The following DMD variants were observed in gnomAD, a reference collection of about 807,000 sequenced individuals.
DMD encodes the protein dystrophin, also known as mutant dystrophin.
A neutral mutation model predicts 330.1 loss-of-function variants in DMD; 63 were observed. That is an observed-to-expected ratio of 0.19 (90% confidence interval 0.16 to 0.24). DMD has a LOEUF of 0.24. Ranked by LOEUF, DMD falls within the 10% of genes least tolerant of loss-of-function variation. DMD has a pLI of 1.00. For synonymous variants in DMD, 1,223 were observed against 959.8 expected, an observed-to-expected ratio of 1.27 and a Z score of -5.07; for missense variants, 3,344 against 2,684.1, an observed-to-expected ratio of 1.25 and a Z score of -5.43.
chrX:32,899,717 A>G (rs1251153179), intron 2 of DMD, among the ~76,000 whole-genome samples: 1 of 111,013 alleles, frequency 9.0e-6, no homozygotes, highest in African/African-American at 3.3e-5. Flanking sequence ...AAAGAAAGAA[A>G]AAGTGTTTGT....
chrX:31,649,786 C>T (rs906417837), intron 54 of DMD, among the ~76,000 whole-genome samples: 2 of 110,862 alleles, frequency 1.8e-5, no homozygotes, highest in Admixed American at 9.7e-5. Context: ...CATTTTCATA[C>T]TGCTAAGTGT....
intron 1 of DMD, among the ~76,000 whole-genome samples, chrX:33,136,992 A>T (rs1188046189): frequency 9.0e-6 from 1 of 110,660 alleles, no homozygotes; most frequent in Non-Finnish European, 1.9e-5. Context: ...TATATATTTT[A>T]TATATTCAAG....
At chrX:31,586,643 C>A (rs1330410316) in intron 55 of DMD, among the ~76,000 whole-genome samples, 1 of 112,270 alleles carries the variant, frequency 8.9e-6, no homozygotes, top group Non-Finnish European at 1.9e-5. Flanking sequence ...GAATCCAAAG[C>A]TACTCTAAAG....
intron 49 of DMD, among the ~76,000 whole-genome samples, chrX:31,835,805 A>G (rs1453704906): frequency 8.9e-6 from 1 of 111,880 alleles, no homozygotes; most frequent in Non-Finnish European, 1.9e-5. Context: ...GGTTCTGTAT[A>G]ATGAGGTTAT....
intron 1 of DMD, among the ~76,000 whole-genome samples, chrX:33,109,579 C>T (rs776792205): frequency 1.1e-3 from 85 of 74,986 alleles, no homozygotes; most frequent in Non-Finnish European, 2.2e-3. Flanking sequence ...TAGTGTAGTG[C>T]TAAAAAAAAA....
chrX:31,823,111 G>A (rs1344932981), intron 49 of DMD, among the ~76,000 whole-genome samples: 1 of 112,906 alleles, frequency 8.9e-6, no homozygotes, highest in Non-Finnish European at 1.9e-5. Context: ...ACTTGCGTCA[G>A]GAATAAAGGC....
rs1330525492 is a variant in DMD, at chrX:32,585,716, A to AAAAAAAAAC, written c.1602+10040_1602+10041insGTTTTTTTT. On this transcript the variant is annotated intron_variant, in intron 13 of 78. Transcript: ENST00000357033. Reference sequence around the variant, plus strand: ...CTCCGTCTCAAAAAAAAAAAAAAAAAAAAAAAAAAAAAAAGAATATTATTG... The same window carrying AAAAAAAAAC: ...CTCCGTCTCAAAAAAAAAAAAAAAAAAAAAAAAACAAAAAAAAAAAAAAGAATATTATTG... Among the ~76,000 whole-genome samples, 33 of 103,172 alleles carry AAAAAAAAAC rather than the reference A, an allele frequency of 3.2e-4. 1 individual carries two copies. The highest frequency in any genetic ancestry group is 1.1e-4 in the Admixed American group (1 of 9,255). The allele number at this position is 103,172 out of a possible 115,157, so 89.6% of individuals were successfully genotyped here.
At chrX:32,667,930 A>G (rs1481789221) in intron 9 of DMD, among the ~76,000 whole-genome samples, 3 of 110,211 alleles carry the variant, frequency 2.7e-5, no homozygotes, top group African/African-American at 9.9e-5. Flanking sequence ...ACCTAAGGTC[A>G]GGAGTTCAAG....
intron 43 of DMD, among the ~76,000 whole-genome samples, chrX:32,218,503 C>T (rs772802099): frequency 4.5e-5 from 5 of 111,753 alleles, no homozygotes; most frequent in Non-Finnish European, 7.5e-5. Context: ...ATGGATCATA[C>T]TTTTGAATAC....
At chrX:32,588,651 T>A (rs915308504) in intron 13 of DMD, among the ~76,000 whole-genome samples, 11 of 111,760 alleles carry the variant, frequency 9.8e-5, no homozygotes, top group Non-Finnish European at 1.9e-4. Flanking sequence ...CTGACTTCAA[T>A]GTGGAGATTG....
intron 44 of DMD, among the ~76,000 whole-genome samples, chrX:31,970,410 T>C (rs1355162191): frequency 1.8e-5 from 2 of 110,367 alleles, no homozygotes; most frequent in African/African-American, 6.6e-5. Flanking sequence ...CAGTACATAA[T>C]CTAGTTGAAA....
At position 31,119,741 on chromosome X, in the gene DMD, T is replaced by A. The variant is rs1303283347; in HGVS notation, c.*2178A>T. ...GTAACCCCTTGTTTTAAATCTGAGT[T>A]TTAAAAATCCTTGGGTAAAGAAAAG... is the stretch of plus-strand genomic sequence containing the variant. On this transcript the variant is annotated 3_prime_UTR_variant, in exon 79 of 79. Transcript: ENST00000357033. 1 of 111,659 alleles carries A rather than the reference T, an allele frequency of 9.0e-6. No homozygotes were observed. Among genetic ancestry groups the A allele is most frequent in the African/African-American group, 3.2e-5 (1 of 30,793 alleles). 9.2% of individuals were successfully genotyped at this position (111,659 alleles called of 1,213,427 possible). A position where few individuals can be genotyped will look rare whatever the true frequency, so the allele number is the denominator to read the frequency against.
At chrX:33,033,552 T>TAAAAAAAAAAAAAAAAAAA (rs2094151115) in intron 1 of DMD, among the ~76,000 whole-genome samples, 1 of 48,788 alleles carries the variant, frequency 2.0e-5, no homozygotes. Flanking sequence ...CTACTAAAAA[T>TAAAAAAAAAAAAAAAAAAA]ACAAAAAAAA....
chrX:31,721,708 CTCTCTCTCTCTA>C (rs1360738989), intron 52 of DMD, among the ~76,000 whole-genome samples: 63 of 49,185 alleles, frequency 1.3e-3, no homozygotes, highest in South Asian at 4.6e-3. Context: ...CTCTCTCTCT[CTCTCTCTCTCTA>C]TATATATATA....
intron 1 of DMD, among the ~76,000 whole-genome samples, chrX:33,069,556 C>T (rs750560077): frequency 9.9e-5 from 11 of 111,591 alleles, no homozygotes; most frequent in Non-Finnish European, 1.7e-4. Context: ...TAGCCTAACA[C>T]CTGCTGCTAT....
chrX:32,631,340 C>T (rs5971649), intron 11 of DMD, among the ~76,000 whole-genome samples: 6,812 of 110,946 alleles, frequency 0.061, 508 homozygotes, highest in African/African-American at 0.21. Context: ...CTGGCTATCA[C>T]CTACATTCAC....
chrX:32,084,004 T>G (rs1449952401), intron 44 of DMD, among the ~76,000 whole-genome samples: 1 of 112,883 alleles, frequency 8.9e-6, no homozygotes, highest in Non-Finnish European at 1.9e-5. Flanking sequence ...TAAATAGGGC[T>G]GTAACCTCAA....
intron 16 of DMD, among the ~76,000 whole-genome samples, chrX:32,549,965 C>T (rs2049361331): frequency 8.9e-6 from 1 of 112,537 alleles, no homozygotes; most frequent in African/African-American, 3.2e-5. Flanking sequence ...GGAATCACTA[C>T]AAGTCATGTA....
chrX:33,036,239 C>T (rs951692913), intron 1 of DMD, among the ~76,000 whole-genome samples: 3 of 111,568 alleles, frequency 2.7e-5, no homozygotes, highest in Non-Finnish European at 5.7e-5. Context: ...ATTTTAGAAA[C>T]TAGAGAAAAA....
Sources: gnomAD v4.1 joint callset for allele counts (sites outside exome capture counted in the v4.1 genomes callset) on GRCh38, gnomAD v4.1.1 for gene constraint, MANE v1.5 for transcripts, NCBI Gene and HGNC (gene_info 2026-07-23, HGNC 2026-07-21) for gene names.